Variants in KCNIP1 observed in about 807,000 individuals in gnomAD.
The protein encoded by KCNIP1 is A-type potassium channel modulatory protein KCNIP1.
KCNIP1 carries 18 observed loss-of-function variants against 33.0 expected under a neutral mutation model. The ratio of observed to expected loss-of-function variants is 0.55; its 90% confidence interval spans 0.38 to 0.81. The LOEUF (loss-of-function observed/expected upper bound fraction) is 0.81. KCNIP1 is among the 30% of genes least tolerant of loss of function. The pLI is 0.00. For missense variants in KCNIP1, 238 were observed against 271.6 expected (o/e 0.88, Z 0.87); for synonymous variants, 93 against 98.3 (o/e 0.95, Z 0.32).
intron 1 of KCNIP1, among the ~76,000 whole-genome samples, chr5:170,480,678 A>G (rs1756957952): frequency 6.6e-6 from 1 of 152,054 alleles, no homozygotes; most frequent in African/African-American, 2.4e-5. Flanking sequence ...TCCCAGGATC[A>G]AGTGATCCAC....
intron 1 of KCNIP1, among the ~76,000 whole-genome samples, chr5:170,654,442 ACTGTAATG>A (rs1761181163): frequency 1.3e-5 from 2 of 152,344 alleles, no homozygotes; most frequent in South Asian, 4.1e-4. Context: ...ATTGTGTCGT[ACTGTAATG>A]CTGGGTATCC....
At chr5:170,483,718 G>C (rs1757025214) in intron 1 of KCNIP1, 1 of 152,170 alleles carries the variant, frequency 6.6e-6, no homozygotes, top group African/African-American at 2.4e-5. Flanking sequence ...GGATAAAAAC[G>C]CAGCATCTGT....
chr5:170,554,921 G>A lies in KCNIP1; in HGVS notation c.61+50288G>A, dbSNP rs1360129531. Among the ~76,000 whole-genome samples the A allele has an allele frequency of 2.6e-5, 4 of 152,124 alleles. No individual in the cohort carries two copies. In the East Asian group the frequency reaches 7.7e-4, roughly 29 times the overall value. ...GGTGGGCTTTTAATCCAGACATGTCGCTGACACCAGCATTTGCACCAGGTA... is the reference window on the plus strand; with the variant it reads ...GGTGGGCTTTTAATCCAGACATGTCACTGACACCAGCATTTGCACCAGGTA... On this transcript the variant is annotated intron_variant, in intron 1 of 7. Coordinates refer to ENST00000328939, the MANE Select transcript of KCNIP1 (RefSeq NM_014592.4).
chr5:170,674,497 G>T (rs1424932990), intron 1 of KCNIP1, among the ~76,000 whole-genome samples: 3 of 152,212 alleles, frequency 2.0e-5, no homozygotes, highest in Admixed American at 6.5e-5. Flanking sequence ...CCTGCCGGGA[G>T]GCATCGACTC....
chr5:170,418,927 G>T (rs1755404941), intron 1 of KCNIP1, among the ~76,000 whole-genome samples: 1 of 152,134 alleles, frequency 6.6e-6, no homozygotes, highest in South Asian at 2.1e-4. Context: ...TTCTTTTCTG[G>T]AAGCTATCAT....
At chr5:170,583,847 T>A (rs1201920065) in intron 1 of KCNIP1, among the ~76,000 whole-genome samples, 3 of 152,238 alleles carry the variant, frequency 2.0e-5, no homozygotes, top group African/African-American at 4.8e-5. Flanking sequence ...TTTAATTTTT[T>A]ATGTTATTAT....
At chr5:170,524,368 G>A (rs1369346156) in intron 1 of KCNIP1, among the ~76,000 whole-genome samples, 1 of 152,182 alleles carries the variant, frequency 6.6e-6, no homozygotes, top group Non-Finnish European at 1.5e-5. Context: ...GTGTGGAAGG[G>A]AGGAATGCAA....
intron 1 of KCNIP1, among the ~76,000 whole-genome samples, chr5:170,511,785 C>T (rs935779770): frequency 2.6e-5 from 4 of 152,202 alleles, no homozygotes; most frequent in Admixed American, 6.5e-5. Context: ...GCTTGGGAAT[C>T]GCAGAGCCTG....
intron 1 of KCNIP1, among the ~76,000 whole-genome samples, chr5:170,576,504 G>A (rs1488833881): frequency 6.6e-6 from 1 of 152,168 alleles, no homozygotes; most frequent in Non-Finnish European, 1.5e-5. Flanking sequence ...GAGCATGTGG[G>A]ATGGAAGATA....
intron 1 of KCNIP1, among the ~76,000 whole-genome samples, chr5:170,663,683 G>A (rs1317220966): frequency 6.6e-6 from 1 of 152,018 alleles, no homozygotes; most frequent in Non-Finnish European, 1.5e-5. Flanking sequence ...CAAACCAGAG[G>A]CCTGGGAGTC....
chr5:170,388,041 TG>T (rs1764556505), intron 1 of KCNIP1, among the ~76,000 whole-genome samples: 1 of 152,232 alleles, frequency 6.6e-6, no homozygotes, highest in Non-Finnish European at 1.5e-5. Context: ...CCCAGGGCCA[TG>T]GCCTCCTCTG....
At chr5:170,584,863 C>A (rs561520439) in intron 1 of KCNIP1, among the ~76,000 whole-genome samples, 1 of 152,186 alleles carries the variant, frequency 6.6e-6, no homozygotes, top group South Asian at 2.1e-4. Flanking sequence ...AACATTCTCC[C>A]ATCCTCCAAA....
At chr5:170,398,758 C>T (rs1357361813) in intron 1 of KCNIP1, among the ~76,000 whole-genome samples, 1 of 152,194 alleles carries the variant, frequency 6.6e-6, no homozygotes, top group African/African-American at 2.4e-5. Flanking sequence ...ATGCCCCACC[C>T]CAATCCCTCC....
At chr5:170,536,720 C>T (rs568937654) in intron 1 of KCNIP1, among the ~76,000 whole-genome samples, 18 of 152,304 alleles carry the variant, frequency 1.2e-4, no homozygotes, top group Non-Finnish European at 1.9e-4. Context: ...AACGCTCTCT[C>T]ACTCCCACAC....
intron 1 of KCNIP1, among the ~76,000 whole-genome samples, chr5:170,608,654 C>T (rs1262819446): frequency 6.6e-5 from 10 of 152,158 alleles, no homozygotes; most frequent in African/African-American, 2.2e-4. Flanking sequence ...CACCAGTAAT[C>T]CCAGCGACTC....
intron 1 of KCNIP1, among the ~76,000 whole-genome samples, chr5:170,474,389 C>G (rs1756804113): frequency 6.6e-6 from 1 of 152,154 alleles, no homozygotes; most frequent in Non-Finnish European, 1.5e-5. Context: ...CCCCCGCCCC[C>G]CATACCTATG....
chr5:170,633,249 G>A (rs374886277), intron 1 of KCNIP1, among the ~76,000 whole-genome samples: 2 of 152,126 alleles, frequency 1.3e-5, no homozygotes, highest in African/African-American at 2.4e-5. Flanking sequence ...GGAGGAGGAC[G>A]CTGGTCAGGG....
chr5:170,690,149 A>G (rs967662623), intron 1 of KCNIP1, among the ~76,000 whole-genome samples: 1 of 152,128 alleles, frequency 6.6e-6, no homozygotes, highest in African/African-American at 2.4e-5. Context: ...TGAACAAATC[A>G]CTGATGAATG....
chr5:170,582,499 A>G (rs914040636), intron 1 of KCNIP1, among the ~76,000 whole-genome samples: 1 of 152,204 alleles, frequency 6.6e-6, no homozygotes, highest in African/African-American at 2.4e-5. Flanking sequence ...CCTTCTCTCT[A>G]TGTTAGAACC....
Sources: gnomAD v4.1 joint callset for allele counts (sites outside exome capture counted in the v4.1 genomes callset) on GRCh38, gnomAD v4.1.1 for gene constraint, MANE v1.5 for transcripts, NCBI Gene and HGNC (gene_info 2026-07-23, HGNC 2026-07-21) for gene names.